The following HORMAD2 variants were observed in gnomAD, a reference collection of about 807,000 sequenced individuals.
HORMAD2 encodes the protein HORMA domain-containing protein 2.
HORMAD2 carries 45 observed loss-of-function variants against 38.8 expected under a neutral mutation model. The observed-to-expected ratio is 1.16, with a 90% CI of 0.91 to 1.49. HORMAD2 has a LOEUF of 1.49. HORMAD2 is among the 40% of genes most tolerant of loss of function. HORMAD2 has a pLI of 0.00. For missense variants in HORMAD2, 338 were observed against 367.0 expected (o/e 0.92, Z 0.65); for synonymous variants, 126 against 122.8 (o/e 1.03, Z -0.17).
the HORMAD2 span, among the ~76,000 whole-genome samples, chr22:30,194,849 G>A: frequency 1.3e-5 from 2 of 152,116 alleles, no homozygotes; most frequent in African/African-American, 2.4e-5. Flanking sequence ...TTTATAGCCC[G>A]TGTTGGTCAT....
intron 5 of HORMAD2, among the ~76,000 whole-genome samples, chr22:30,107,993 C>T (rs932068565): frequency 7.3e-5 from 11 of 151,338 alleles, no homozygotes; most frequent in African/African-American, 2.7e-4. Flanking sequence ...CTCAGCCTCC[C>T]AAGTAGCTGG....
intron 5 of HORMAD2, among the ~76,000 whole-genome samples, chr22:30,111,368 C>T (rs1226912739): frequency 6.6e-6 from 1 of 151,956 alleles, no homozygotes; most frequent in East Asian, 1.9e-4. Context: ...CATCTGTAAT[C>T]GCAGCTACTC....
In HORMAD2 at chr22:30,129,240, AAAAAAAAAAAAAAAAAG is replaced by A. The variant is rs1320083046; in HGVS notation, c.819+7028_819+7044del. 9.7e-3 allele frequency among the ~76,000 whole-genome samples: 611 copies of A among 62,868 alleles called. 57 individuals are homozygous for A. Among genetic ancestry groups the A allele is most frequent in the African/African-American group, 0.029 (473 of 16,324 alleles). The allele number at this position is 62,868 out of a possible 152,430, so 41.2% of individuals were successfully genotyped here. On this transcript the variant is annotated intron_variant, in intron 10 of 10. Coordinates refer to ENST00000336726, the MANE Select transcript of HORMAD2 (RefSeq NM_152510.4). ...CTCAAAAAAAAAAAAAAAAAAAAAA[AAAAAAAAAAAAAAAAAG>A]AGAGAGAGAGAATAAATAATGCCCT... is the stretch of plus-strand genomic sequence containing the variant.
At chr22:30,120,172 G>A (rs1389275260) in intron 8 of HORMAD2, among the ~76,000 whole-genome samples, 1 of 152,178 alleles carries the variant, frequency 6.6e-6, no homozygotes, top group Non-Finnish European at 1.5e-5. Context: ...AGGAGAGAAG[G>A]TGATGCATAT....
At chr22:30,174,509 G>A (rs1926313160) in intron 10 of HORMAD2, among the ~76,000 whole-genome samples, 2 of 152,106 alleles carry the variant, frequency 1.3e-5, no homozygotes, top group African/African-American at 4.8e-5. Flanking sequence ...CTATTACCTT[G>A]AGATATTGAA....
At chr22:30,160,422 T>C (rs1925371229) in intron 10 of HORMAD2, among the ~76,000 whole-genome samples, 1 of 152,040 alleles carries the variant, frequency 6.6e-6, no homozygotes, top group Non-Finnish European at 1.5e-5. Flanking sequence ...CATTTCCTCA[T>C]TTACTCTTAC....
intron 5 of HORMAD2, chr22:30,105,235 C>A (rs1921098431): frequency 6.1e-6 from 1 of 162,976 alleles, no homozygotes; most frequent in East Asian, 1.6e-4. Flanking sequence ...TGAGCTACTC[C>A]ATGGGATGCT....
chr22:30,206,960 C>T, the HORMAD2 span: 6 of 420,934 alleles, frequency 1.4e-5, no homozygotes, highest in African/African-American at 2.0e-5. Flanking sequence ...TTCCCCCACC[C>T]GCCCCACTTT....
intron 4 of HORMAD2, 33 bp from the exon 5 acceptor site, chr22:30,104,366 GGT>G: frequency 6.3e-7 from 1 of 1,585,712 alleles, no homozygotes; most frequent in Non-Finnish European, 8.6e-7. Flanking sequence ...ATTTGCATAT[GGT>G]CCAATTGACA....
intron 10 of HORMAD2, among the ~76,000 whole-genome samples, chr22:30,171,341 G>T (rs964270701): frequency 3.3e-5 from 5 of 152,106 alleles, no homozygotes; most frequent in Non-Finnish European, 5.9e-5. Context: ...AATTCAGCAG[G>T]TTCAAAACTC....
the HORMAD2 span, among the ~76,000 whole-genome samples, chr22:30,182,536 G>T: frequency 3.9e-5 from 6 of 152,140 alleles, no homozygotes; most frequent in African/African-American, 1.4e-4. Flanking sequence ...GGCTGGTGAC[G>T]TGCAGTTTAT....
At chr22:30,196,876 C>T in the HORMAD2 span, among the ~76,000 whole-genome samples, 1 of 152,306 alleles carries the variant, frequency 6.6e-6, no homozygotes, top group South Asian at 2.1e-4. Flanking sequence ...GGGACTTTTA[C>T]TCAGGCGGAT....
chr22:30,166,415 C>T (rs1202663992), intron 10 of HORMAD2, among the ~76,000 whole-genome samples: 1 of 152,122 alleles, frequency 6.6e-6, no homozygotes, highest in Non-Finnish European at 1.5e-5. Flanking sequence ...AGAAATGTGG[C>T]TAATGCAACT....
the HORMAD2 span, among the ~76,000 whole-genome samples, chr22:30,206,429 A>T: frequency 6.6e-6 from 1 of 152,114 alleles, no homozygotes; most frequent in African/African-American, 2.4e-5. Context: ...AAGTGCTGGG[A>T]TTACAGGCAT....
intron 10 of HORMAD2, among the ~76,000 whole-genome samples, chr22:30,175,278 A>AATAATAT: frequency 7.0e-6 from 1 of 142,420 alleles, no homozygotes; most frequent in African/African-American, 2.6e-5. Context: ...TAATATATAT[A>AATAATAT]ATATAATATA....
intron 10 of HORMAD2, among the ~76,000 whole-genome samples, chr22:30,165,910 CTG>C (rs1185045744): frequency 6.6e-6 from 1 of 151,490 alleles, no homozygotes; most frequent in Admixed American, 6.6e-5. Context: ...GGTAGGGTAA[CTG>C]TTTCCCCTCA....
the HORMAD2 span, among the ~76,000 whole-genome samples, chr22:30,186,683 T>A: frequency 3.3e-5 from 5 of 152,118 alleles, no homozygotes; most frequent in Admixed American, 2.6e-4. Context: ...TTGGTTCTCA[T>A]TTCCCTCTGC....
At chr22:30,103,649 A>ATTTTTTTTTTTCTTTTTTTTTTTT (rs1920984322) in intron 4 of HORMAD2, 149 bp downstream of exon 4, 1 of 68,232 alleles carries the variant, frequency 1.5e-5, no homozygotes, top group Non-Finnish European at 2.3e-5. Flanking sequence ...TCTGTTTTTG[A>ATTTTTTTTTTTCTTTTTTTTTTTT]TTTTTTTTTT....
At chr22:30,177,418 A>G (rs1454286018), downstream of HORMAD2, among the ~76,000 whole-genome samples, 1 of 152,138 alleles carries the variant, frequency 6.6e-6, no homozygotes, top group Non-Finnish European at 1.5e-5. Flanking sequence ...AGCCTACCAA[A>G]CTGGGGTCTT....
Sources: allele counts gnomAD v4.1 joint callset (sites outside exome capture counted in the v4.1 genomes callset), GRCh38; gene constraint gnomAD v4.1.1; transcripts MANE v1.5; gene names NCBI Gene and HGNC (gene_info 2026-07-23, HGNC 2026-07-21).